GRIN2A: variants seen among roughly 807,000 people sequenced by gnomAD.
The protein encoded by GRIN2A is glutamate receptor ionotropic, NMDA 2A.
In GRIN2A, 22 loss-of-function variants were observed where a neutral mutation model predicts 113.4. The ratio of observed to expected loss-of-function variants is 0.19; its 90% CI spans 0.14 to 0.28. The LOEUF is 0.28. Among genes scored for constraint, GRIN2A ranks in the 10% least tolerant of loss-of-function variants. The pLI is 1.00. For synonymous variants in GRIN2A, 827 were observed against 738.4 expected (o/e 1.12, Z -1.94); for missense variants, 1,502 against 1,887.0 (o/e 0.80, Z 3.78).
At chr16:10,106,225 T>C (rs529670700) in intron 2 of GRIN2A, among the ~76,000 whole-genome samples, 1,920 of 148,770 alleles carry the variant, frequency 0.013, 48 homozygotes, top group African/African-American at 0.045. Flanking sequence ...TTTTTTTTTC[T>C]TTTTATCTTT....
chr16:10,015,266 A>AAAAAAAAAAAAC (rs2046585195), intron 2 of GRIN2A, among the ~76,000 whole-genome samples: 1 of 130,188 alleles, frequency 7.7e-6, no homozygotes, highest in Non-Finnish European at 1.6e-5. Flanking sequence ...AAAAAAAAAA[A>AAAAAAAAAAAAC]AAAAAGAAAA....
chr16:9,825,261 G>A (rs899967918), intron 9 of GRIN2A, among the ~76,000 whole-genome samples: 1 of 152,182 alleles, frequency 6.6e-6, no homozygotes. Context: ...TCTGTAAATT[G>A]GAGATTGCTT....
chr16:10,086,558 G>A (rs372359222), intron 2 of GRIN2A, among the ~76,000 whole-genome samples: 5 of 143,732 alleles, frequency 3.5e-5, no homozygotes, highest in African/African-American at 1.3e-4. Flanking sequence ...TAAAATTACA[G>A]AGGAGCCCCA....
chr16:10,142,453 T>C (rs1426434730), intron 2 of GRIN2A, among the ~76,000 whole-genome samples: 2 of 152,000 alleles, frequency 1.3e-5, no homozygotes, highest in African/African-American at 4.8e-5. Context: ...TCCCAACACT[T>C]TGGGAGGTCA....
chr16:9,963,663 G>C (rs2045489419), intron 2 of GRIN2A, among the ~76,000 whole-genome samples: 1 of 152,152 alleles, frequency 6.6e-6, no homozygotes, highest in Non-Finnish European at 1.5e-5. Flanking sequence ...CCTCCATAAA[G>C]TACCACTGAA....
Position 9,812,866 on chromosome 16 carries a change from G to A in GRIN2A, c.2168+9398C>T, listed in dbSNP as rs1206431411. Among the ~76,000 whole-genome samples the A allele has an allele frequency of 2.6e-5, 4 of 152,140 alleles. 1 individual carries two copies. Among genetic ancestry groups the A allele is most frequent in the African/African-American group, 9.7e-5 (4 of 41,444 alleles). ...CAGTCTTAGGGAAAGTCAGTAAACA[G>A]ATTTTCAGGCCAAAGGCTCCACAAT... On this transcript the variant is annotated intron_variant, in intron 10 of 12. Coordinates refer to ENST00000330684, the MANE Select transcript of GRIN2A (RefSeq NM_001134407.3).
intron 4 of GRIN2A, among the ~76,000 whole-genome samples, chr16:9,853,080 C>T (rs907141404): frequency 3.3e-5 from 5 of 152,134 alleles, no homozygotes; most frequent in African/African-American, 1.2e-4. Context: ...GAGACATCTT[C>T]CCTGAGGAGG....
chr16:9,934,502 G>A (rs1040107028), intron 3 of GRIN2A, among the ~76,000 whole-genome samples: 5 of 151,884 alleles, frequency 3.3e-5, no homozygotes, highest in African/African-American at 1.2e-4. Context: ...ACAACATGGT[G>A]AAACCTCGTC....
At chr16:10,033,121 T>G (rs1433333296) in intron 2 of GRIN2A, among the ~76,000 whole-genome samples, 1 of 152,188 alleles carries the variant, frequency 6.6e-6, no homozygotes, top group African/African-American at 2.4e-5. Context: ...CAGATGCATG[T>G]ATCTGACACC....
intron 3 of GRIN2A, among the ~76,000 whole-genome samples, chr16:9,930,628 C>T (rs2044567493): frequency 6.6e-6 from 1 of 152,154 alleles, no homozygotes; most frequent in African/African-American, 2.4e-5. Context: ...ATGGTGATCT[C>T]CCAGATAAAT....
chr16:10,027,966 A>G (rs983498751), intron 2 of GRIN2A, among the ~76,000 whole-genome samples: 9 of 152,120 alleles, frequency 5.9e-5, no homozygotes, highest in Non-Finnish European at 1.3e-4. Flanking sequence ...AACCTCTCCT[A>G]CATCCACCTG....
chr16:9,938,606 A>C, intron 2 of GRIN2A, 55 bp from the exon 3 acceptor site: 1 of 1,265,598 alleles, frequency 7.9e-7, no homozygotes, highest in Non-Finnish European at 1.1e-6. Flanking sequence ...GTTTATATAG[A>C]AGCACAAACT....
At chr16:9,843,345 T>A (rs2042716253) in intron 5 of GRIN2A, among the ~76,000 whole-genome samples, 1 of 152,116 alleles carries the variant, frequency 6.6e-6, no homozygotes. Context: ...AACAATTTTT[T>A]AAGAGACACG....
At chr16:9,987,337 C>T (rs1023876892) in intron 2 of GRIN2A, among the ~76,000 whole-genome samples, 18 of 152,112 alleles carry the variant, frequency 1.2e-4, no homozygotes, top group African/African-American at 3.4e-4. Flanking sequence ...ATATGAAAGC[C>T]AACTCACTCC....
intron 2 of GRIN2A, among the ~76,000 whole-genome samples, chr16:10,157,333 A>G (rs888652487): frequency 1.3e-5 from 2 of 152,198 alleles, no homozygotes; most frequent in African/African-American, 2.4e-5. Context: ...TTATCTTTCA[A>G]TCCTTCTAAT....
chr16:9,847,146 G>A (rs74459797), intron 5 of GRIN2A, among the ~76,000 whole-genome samples: 2,063 of 152,228 alleles, frequency 0.014, 31 homozygotes, highest in African/African-American at 0.036. Context: ...ATGGAGAGAC[G>A]TTTTTAACCT....
At chr16:10,026,739 A>C (rs2046829840) in intron 2 of GRIN2A, among the ~76,000 whole-genome samples, 1 of 152,200 alleles carries the variant, frequency 6.6e-6, no homozygotes, top group African/African-American at 2.4e-5. Context: ...AGCTCCACTC[A>C]GTGAGAAACA....
chr16:10,065,857 G>C (rs935677629), intron 2 of GRIN2A, among the ~76,000 whole-genome samples: 1 of 152,102 alleles, frequency 6.6e-6, no homozygotes, highest in Admixed American at 6.5e-5. Flanking sequence ...GAGGGGGGGC[G>C]CTTAACATGG....
intron 3 of GRIN2A, among the ~76,000 whole-genome samples, chr16:9,926,625 C>T (rs1055239635): frequency 2.0e-5 from 3 of 152,052 alleles, no homozygotes; most frequent in African/African-American, 4.8e-5. Context: ...AATAAATACA[C>T]ATAATGATGA....
Sources: allele counts gnomAD v4.1 joint callset (sites outside exome capture counted in the v4.1 genomes callset), GRCh38; gene constraint gnomAD v4.1.1; transcripts MANE v1.5; gene names NCBI Gene and HGNC (gene_info 2026-07-23, HGNC 2026-07-21).